The following RFX2 variants were observed in gnomAD, a reference collection of about 807,000 sequenced individuals.
RFX2 encodes regulatory factor X2.
Under a neutral mutation model 87.8 loss-of-function variants are expected in RFX2, and 20 were observed. That is an observed-to-expected ratio of 0.23 (90% CI 0.16 to 0.33). The LOEUF (loss-of-function observed/expected upper bound fraction) is 0.33, where lower values mean the gene tolerates loss of function less well. RFX2 is among the 10% of genes least tolerant of loss of function. The pLI is 1.00. For synonymous variants in RFX2, 397 were observed against 431.3 expected (o/e 0.92, Z 0.98); for missense variants, 767 against 1,012.3 (o/e 0.76, Z 3.29).
Position 6,008,199 on chromosome 19 carries a change from G to A in RFX2, c.1041C>T (p.Phe347=), listed in dbSNP as rs745674690. 6 of 1,561,586 alleles carry A rather than the reference G, an allele frequency of 3.8e-6. 1 individual carries two copies. In the South Asian group the frequency reaches 7.1e-5, roughly 18 times the overall value. The change falls in exon 10 of 18, where the codon TTC becomes TTT. Residue 347 remains phenylalanine (F), a synonymous_variant. Coordinates refer to ENST00000303657, the MANE Select transcript of RFX2 (RefSeq NM_000635.4). The part of the protein sequence containing the change: ...YIDVSHVFPE[F]PAPDLGSFLL... ...GGAAGCTGCCCAGGTCGGGCGCTGG[G>A]AACTCGGGGAAGACGTGGGAGACAT... is the stretch of plus-strand genomic sequence containing the variant.
In RFX2 at chr19:6,039,488, C is replaced by A. The variant is rs138984470; in HGVS notation, c.522+492G>T. The stretch of plus-strand genomic sequence containing the variant: ...TAAATGAAAAGTAAACACGGGTAAT[C>A]GAGTTTTAAATGTAGAGACTCTGGA... On this transcript the variant is annotated intron_variant, in intron 5 of 17. Transcript: ENST00000303657. The surrounding 1 kb of genome is among the most constrained non-coding windows in gnomAD (Gnocchi z 5.2). Among the ~76,000 whole-genome samples the A allele has an allele frequency of 6.6e-6, 1 of 152,254 alleles. No homozygotes were observed. Among genetic ancestry groups the A allele is most frequent in the African/African-American group, 2.4e-5 (1 of 41,542 alleles).
intron 1 of RFX2, among the ~76,000 whole-genome samples, chr19:6,066,984 A>G (rs2087523567): frequency 6.6e-6 from 1 of 152,320 alleles, no homozygotes. Context: ...CCTAAGAGAA[A>G]GGCAAATAAT....
chr19:5,996,418 G>A (rs958587126), intron 16 of RFX2, among the ~76,000 whole-genome samples: 3 of 128,196 alleles, frequency 2.3e-5, no homozygotes, highest in Middle Eastern at 4.1e-3. Context: ...GGGCCGCAGC[G>A]CGGATGTCAT....
rs1387599225 is a variant in RFX2 at position 6,040,128 on chromosome 19, G to A, written c.374C>T (p.Pro125Leu). The A allele has an allele frequency of 6.2e-7, 1 of 1,609,884 alleles. No homozygotes were observed. The highest frequency in any genetic ancestry group is 1.3e-5 in the African/African-American group (1 of 74,854). The change falls in exon 5 of 18, where the codon CCA becomes CTA. Residue 125 changes from proline to leucine, a missense_variant. Coordinates refer to ENST00000303657, the MANE Select transcript of RFX2 (RefSeq NM_000635.4). The surrounding 1 kb of genome is among the most constrained non-coding windows in gnomAD (Gnocchi z 6.1). Reference sequence around the variant, plus strand: ...CACCATGCTGTGGGAGGGGACCGCTGGCGGGGACGAGGCTGCCACGGTCAC... The same window carrying A: ...CACCATGCTGTGGGAGGGGACCGCTAGCGGGGACGAGGCTGCCACGGTCAC... Reference protein sequence around the residue: ...AQVTVAASSPPAVPSHSMVGI... With the variant: ...AQVTVAASSPLAVPSHSMVGI...
chr19:6,043,888 T>C (rs1267152074), intron 3 of RFX2, among the ~76,000 whole-genome samples: 2 of 152,194 alleles, frequency 1.3e-5, no homozygotes, highest in East Asian at 3.8e-4. Flanking sequence ...GAGCCCTTTG[T>C]TTCTGTCTGC....
At chr19:6,098,580 G>C (rs780112248) in intron 1 of RFX2, among the ~76,000 whole-genome samples, 1 of 152,096 alleles carries the variant, frequency 6.6e-6, no homozygotes, top group African/African-American at 2.4e-5. Context: ...TTTGAAGTCT[G>C]TTCTTCGTTA....
chr19:6,065,450 T>A (rs1249393393), intron 1 of RFX2, among the ~76,000 whole-genome samples: 2 of 152,050 alleles, frequency 1.3e-5, no homozygotes, highest in Non-Finnish European at 2.9e-5. Context: ...ATCGAGACCA[T>A]CCTGGCTAAC....
At chr19:6,097,924 C>T (rs1045063122) in intron 1 of RFX2, among the ~76,000 whole-genome samples, 5 of 152,126 alleles carry the variant, frequency 3.3e-5, no homozygotes, top group African/African-American at 9.7e-5. Context: ...CTAACAGGCA[C>T]TACTTTTAAA....
intron 1 of RFX2, among the ~76,000 whole-genome samples, chr19:6,068,866 G>A (rs10415213): frequency 1.3e-5 from 2 of 152,064 alleles, no homozygotes; most frequent in African/African-American, 4.8e-5. Flanking sequence ...GGGGAAGAAG[G>A]AAAAGGGTGG....
intron 1 of RFX2, among the ~76,000 whole-genome samples, chr19:6,087,221 A>G (rs900149159): frequency 5.3e-5 from 8 of 152,156 alleles, no homozygotes; most frequent in Non-Finnish European, 7.4e-5. Context: ...TAACCTTCAC[A>G]GGGGCGAAGC....
At chr19:6,096,424 T>C (rs185565814) in intron 1 of RFX2, among the ~76,000 whole-genome samples, 1 of 143,298 alleles carries the variant, frequency 7.0e-6, no homozygotes, top group African/African-American at 3.0e-5. Flanking sequence ...ACACTCTCGT[T>C]TTTGTTTTTT....
Position 6,040,284 on chromosome 19 carries a change from TA to T in RFX2, c.261-44del. On this transcript the variant is annotated intron_variant, in intron 4 of 17. Coordinates refer to ENST00000303657, the MANE Select transcript of RFX2 (RefSeq NM_000635.4). The surrounding 1 kb of genome is among the most constrained non-coding windows in gnomAD (Gnocchi z 6.1). ...GTCACGCATGGGACGCTGTCCCATT[TA>T]AATGCCTTGTCTGAGTTCACAGATA... is the stretch of plus-strand genomic sequence containing the variant. 1.3e-6 allele frequency: 2 copies of T among 1,482,626 alleles called. No homozygotes were observed. The highest frequency in any genetic ancestry group is 1.8e-6 in the Non-Finnish European group (2 of 1,110,234). 91.8% of individuals were successfully genotyped at this position (1,482,626 alleles called of 1,614,324 possible).
At position 6,020,692 on chromosome 19, in the gene RFX2, A is replaced by T. The variant is rs1488744516; in HGVS notation, c.598-4421T>A. Among the ~76,000 whole-genome samples the T allele has an allele frequency of 6.6e-6, 1 of 152,162 alleles. No homozygotes were observed. The highest frequency in any genetic ancestry group is 1.5e-5 in the Non-Finnish European group (1 of 68,032). On this transcript the variant is annotated intron_variant, in intron 6 of 17. Coordinates refer to ENST00000303657, the MANE Select transcript of RFX2 (RefSeq NM_000635.4). The surrounding 1 kb of genome is among the most constrained non-coding windows in gnomAD (Gnocchi z 5.3). ...CACTCGCCCACCTCCCCTGCTCTTG[A>T]GGGCTCGGGTACCTTCATGCCAGGA...
chr19:5,995,333 G>C (rs966404539), intron 17 of RFX2, among the ~76,000 whole-genome samples: 1 of 152,154 alleles, frequency 6.6e-6, no homozygotes, highest in African/African-American at 2.4e-5. Flanking sequence ...AGGAGACCAG[G>C]GGCTGCCTAG....
chr19:6,076,871 G>T (rs938562511), intron 1 of RFX2: 2 of 152,132 alleles, frequency 1.3e-5, no homozygotes, highest in African/African-American at 4.8e-5. Context: ...ATATTTGTGG[G>T]GTTTGTCATT....
intron 1 of RFX2, among the ~76,000 whole-genome samples, chr19:6,103,517 G>A (rs2088160615): frequency 6.6e-6 from 1 of 152,162 alleles, no homozygotes; most frequent in African/African-American, 2.4e-5. Context: ...GACTCTGACT[G>A]TGTTGGCATC....
chr19:6,039,874 G>A lies in RFX2; in HGVS notation c.522+106C>T, dbSNP rs1331422418. 13 of 1,358,276 alleles carry A rather than the reference G, an allele frequency of 9.6e-6. 1 individual carries two copies. The South Asian group carries it at 1.2e-4, about 13-fold the overall frequency. 84.1% of individuals were successfully genotyped at this position (1,358,276 alleles called of 1,614,324 possible). ...GGGGCCGCCTGGGCCCAGAGCAGACGACAGCCCCTCCGGGCCTCCGGCTGC... is the reference window on the plus strand; with the variant it reads ...GGGGCCGCCTGGGCCCAGAGCAGACAACAGCCCCTCCGGGCCTCCGGCTGC... On this transcript the variant is annotated intron_variant, in intron 5 of 17. Coordinates refer to ENST00000303657, the MANE Select transcript of RFX2 (RefSeq NM_000635.4). The surrounding 1 kb of genome is among the most constrained non-coding windows in gnomAD (Gnocchi z 5.2).
chr19:6,012,585 G>A lies in RFX2; in HGVS notation c.899+401C>T, dbSNP rs2086674115. Among the ~76,000 whole-genome samples the A allele has an allele frequency of 6.6e-6, 1 of 152,126 alleles. No homozygotes were observed. Among genetic ancestry groups the A allele is most frequent in the Admixed American group, 6.5e-5 (1 of 15,274 alleles). ...ACTGTGGACTCTGGGGGGTGATGCTGGCTCCGCGGAGGGTCACGGGTCATG... is the reference window on the plus strand; with the variant it reads ...ACTGTGGACTCTGGGGGGTGATGCTAGCTCCGCGGAGGGTCACGGGTCATG... On this transcript the variant is annotated intron_variant, in intron 8 of 17. Transcript: ENST00000303657. This position sits in a 1 kb window ranked among gnomAD's most constrained non-coding sequence, Gnocchi z 4.6.
At chr19:6,084,334 A>ATTACT (rs1437829915) in intron 1 of RFX2, among the ~76,000 whole-genome samples, 1 of 152,192 alleles carries the variant, frequency 6.6e-6, no homozygotes, top group African/African-American at 2.4e-5. Context: ...TGACGAGTCA[A>ATTACT]TTACTCTTTA....
Sources: allele counts gnomAD v4.1 joint callset (sites outside exome capture counted in the v4.1 genomes callset), GRCh38; gene constraint gnomAD v4.1.1; non-coding constraint Gnocchi (gnomAD v3.1); transcripts MANE v1.5; gene names NCBI Gene and HGNC (gene_info 2026-07-23, HGNC 2026-07-21).